The following EXOC5 variants were observed in gnomAD, a reference collection of about 807,000 sequenced individuals.
EXOC5 encodes the protein exocyst complex component 5.
EXOC5 carries 17 observed loss-of-function variants against 90.8 expected under a neutral mutation model. That is an observed-to-expected ratio of 0.19 (90% CI 0.13 to 0.28). The LOEUF is 0.28. Among genes scored for constraint, EXOC5 ranks in the 10% least tolerant of loss-of-function variants. The pLI is 1.00. For synonymous variants in EXOC5, 260 were observed against 270.0 expected, an observed-to-expected ratio of 0.96 and a Z score of 0.36; for missense variants, 569 against 830.6, an observed-to-expected ratio of 0.69 and a Z score of 3.87.
At chr14:57,232,977 G>A (rs1479358303) in intron 9 of EXOC5, 1 of 358,018 alleles carries the variant, frequency 2.8e-6, no homozygotes, top group Non-Finnish European at 5.0e-6. Context: ...TCAGTCTTAG[G>A]AATAATACCT....
At chr14:57,251,014 T>C (rs1022089396) in intron 1 of EXOC5, among the ~76,000 whole-genome samples, 19 of 152,176 alleles carry the variant, frequency 1.2e-4, no homozygotes, top group African/African-American at 1.7e-4. Context: ...GACAGGATTC[T>C]GGGAAGATGG....
At chr14:57,255,241 C>G (rs1884317858) in intron 1 of EXOC5, among the ~76,000 whole-genome samples, 4 of 152,164 alleles carry the variant, frequency 2.6e-5, no homozygotes, top group Admixed American at 2.0e-4. Context: ...CTCTAAGCCC[C>G]TAAAATAGCC....
rs1332884529 is a variant in EXOC5 at position 57,209,507 on chromosome 14, A to G, written c.1938+60T>C. The G allele has an allele frequency of 3.4e-6, 3 of 892,422 alleles. No individual in the cohort carries two copies. In the African/African-American group the frequency reaches 5.2e-5, roughly 15 times the overall value. 55.3% of individuals were successfully genotyped at this position (892,422 alleles called of 1,614,324 possible). On this transcript the variant is annotated intron_variant, in intron 17 of 17. Coordinates refer to ENST00000621441, the MANE Select transcript of EXOC5 (RefSeq NM_006544.4). The stretch of plus-strand genomic sequence containing the variant: ...TAATTATAAGTAAATAGTGATTTTT[A>G]ATAATCTGACTTATGCTCCTGGGCC...
intron 10 of EXOC5, chr14:57,232,074 C>T: frequency 5.6e-6 from 1 of 177,614 alleles, no homozygotes; most frequent in Non-Finnish European, 1.2e-5. Context: ...TGTCTGTTCA[C>T]CCTCTTTTGT....
chr14:57,233,211 A>G (rs2139637270), intron 9 of EXOC5: 1 of 153,252 alleles, frequency 6.5e-6, no homozygotes, highest in African/African-American at 2.4e-5. Flanking sequence ...GAGAATGACA[A>G]TACTATCAAA....
chr14:57,237,288 A>C (rs1423818205), intron 6 of EXOC5, 50 bp downstream of exon 6: 1 of 943,350 alleles, frequency 1.1e-6, no homozygotes, highest in East Asian at 2.6e-5. Context: ...TTTTTACACA[A>C]GTAGTTTTTT....
At chr14:57,236,895 T>C (rs572146382) in intron 6 of EXOC5, among the ~76,000 whole-genome samples, 4 of 148,088 alleles carry the variant, frequency 2.7e-5, no homozygotes, top group Non-Finnish European at 4.4e-5. Context: ...GATACTGAAA[T>C]GCTTATATAA....
intron 1 of EXOC5, among the ~76,000 whole-genome samples, chr14:57,265,953 A>G (rs1479126118): frequency 6.6e-6 from 1 of 152,216 alleles, no homozygotes; most frequent in Non-Finnish European, 1.5e-5. Context: ...ATCTATTACT[A>G]AATCATTTCG....
At chr14:57,216,379 G>C (rs2139614578) in intron 15 of EXOC5, among the ~76,000 whole-genome samples, 1 of 152,034 alleles carries the variant, frequency 6.6e-6, no homozygotes, top group South Asian at 2.1e-4. Flanking sequence ...GTACTTCTTG[G>C]TTAGAAAATA....
rs79500973 is a variant in EXOC5 at position 57,229,628 on chromosome 14, G to C, written c.1296+106C>G. The C allele has an allele frequency of 2.8e-3, 1,793 of 640,166 alleles. 43 individuals carry two copies. In the East Asian group the frequency reaches 0.05, roughly 18 times the overall value. 39.7% of individuals were successfully genotyped at this position (640,166 alleles called of 1,614,324 possible). ...CAAATACTACACACTTTATATAGCA[G>C]ACTTGAGCATCCACGATTTTGGTAT... On this transcript the variant is annotated intron_variant, in intron 12 of 17. Transcript: ENST00000621441.
intron 1 of EXOC5, among the ~76,000 whole-genome samples, chr14:57,255,510 G>A (rs902909381): frequency 1.2e-4 from 19 of 152,016 alleles, no homozygotes; most frequent in African/African-American, 4.6e-4. Flanking sequence ...GAGGTAGGCA[G>A]ACTAACAGAG....
At chr14:57,262,766 G>GTGT in intron 1 of EXOC5, among the ~76,000 whole-genome samples, 2 of 103,034 alleles carry the variant, frequency 1.9e-5, no homozygotes, top group African/African-American at 7.9e-5. Context: ...TATACTTAAT[G>GTGT]AATATATTAT....
chr14:57,253,139 A>C (rs567568131), intron 1 of EXOC5, among the ~76,000 whole-genome samples: 2 of 152,296 alleles, frequency 1.3e-5, no homozygotes, highest in Admixed American at 1.3e-4. Context: ...GGAAGGCTAA[A>C]GCGGAGGCAG....
rs1377411878 is a variant in EXOC5 at position 57,208,571 on chromosome 14, T to C, written c.*38A>G. ...TGCTGAAGTATAAGACATTCCTCTG[T>C]AAAGGAACTGACACTGAATTCCTTT... On this transcript the variant is annotated 3_prime_UTR_variant, in exon 18 of 18. Coordinates refer to ENST00000621441, the MANE Select transcript of EXOC5 (RefSeq NM_006544.4). 6.6e-7 allele frequency: 1 copy of C among 1,513,512 alleles called. No individual in the cohort carries two copies. Among genetic ancestry groups the C allele is most frequent in the Non-Finnish European group, 9.1e-7 (1 of 1,095,460 alleles). 93.8% of individuals were successfully genotyped at this position (1,513,512 alleles called of 1,614,324 possible).
intron 1 of EXOC5, among the ~76,000 whole-genome samples, chr14:57,253,122 A>AAGGCTGGGAAGGCTAAAGCGG (rs1342476811): frequency 1.3e-5 from 2 of 152,274 alleles, no homozygotes; most frequent in Non-Finnish European, 1.5e-5. Flanking sequence ...GTGGTTACCA[A>AAGGCTGGGAAGGCTAAAGCGG]AGGCTGGGAA....
chr14:57,231,520 G>A lies in EXOC5; in HGVS notation c.1134C>T (p.Ser378=), dbSNP rs1256310762. Residue 378 remains serine, a synonymous_variant, in exon 11 of 18, where the codon TCC becomes TCT. Coordinates refer to ENST00000621441, the MANE Select transcript of EXOC5 (RefSeq NM_006544.4). ...YYDSKNHQKR[S]IGTGGIQDLK... is the part of the protein sequence containing the mutation. ...AAAATACTCACCCTCCTGTGCCAAT[G>A]GATCTCTTTTGATGGTTTTTCGAAT... 1.9e-6 allele frequency: 3 copies of A among 1,608,788 alleles called. No homozygotes were observed. The highest frequency in any genetic ancestry group is 1.1e-5 in the South Asian group (1 of 90,148).
At position 57,244,266 on chromosome 14, in the gene EXOC5, T is replaced by C; in HGVS notation, c.364A>G (p.Thr122Ala). Residue 122 changes from threonine (T) to alanine (A), a missense_variant, in exon 4 of 18, where the codon ACA becomes GCA. Physicochemically the swap from Thr to Ala is moderately conservative, Grantham distance 58. Around this residue, in one of 9 missense-constraint regions of EXOC5, gnomAD observed 97 missense variants for 177.9 expected, o/e 0.55. Transcript: ENST00000621441. ...GCCTCCACTGCCCGTTGTCTGGGTG[T>C]GTTTACCCCCTCTAACTGGTCTCCA... ...HLGDQLEGVN[T>A]PRQRAVEAQK... 4 of 1,613,268 alleles carry C rather than the reference T, an allele frequency of 2.5e-6. No individual in the cohort carries two copies. Among genetic ancestry groups the C allele is most frequent in the Non-Finnish European group, 3.4e-6 (4 of 1,179,226 alleles).
chr14:57,253,100 A>T (rs1884240912), intron 1 of EXOC5, among the ~76,000 whole-genome samples: 2 of 152,178 alleles, frequency 1.3e-5, no homozygotes, highest in Admixed American at 1.3e-4. Context: ...TCATAGAAGT[A>T]AGAGTAGATT....
chr14:57,218,975 T>C (rs1883050251), intron 14 of EXOC5, among the ~76,000 whole-genome samples: 1 of 152,080 alleles, frequency 6.6e-6, no homozygotes, highest in Admixed American at 6.6e-5. Flanking sequence ...AGTGGGTACA[T>C]GGACTTTGTC....
Sources: gnomAD v4.1 joint callset for allele counts (sites outside exome capture counted in the v4.1 genomes callset) on GRCh38, gnomAD v4.1.1 for gene constraint, gnomAD v4.1.1 regional missense constraint, MANE v1.5 for transcripts, NCBI Gene and HGNC (gene_info 2026-07-23, HGNC 2026-07-21) for gene names.